NPHP4: variants seen among roughly 807,000 people sequenced by gnomAD.
NPHP4 encodes the protein nephrocystin-4.
A neutral mutation model predicts 155.8 loss-of-function variants in NPHP4; 151 were observed. That is an observed-to-expected ratio of 0.97 (90% CI 0.85 to 1.11). NPHP4 has a LOEUF of 1.11. Among genes scored for constraint, NPHP4 ranks in the 50% least tolerant of loss-of-function variants. NPHP4 has a pLI of 0.00. For synonymous variants in NPHP4, 845 were observed against 816.8 expected, an observed-to-expected ratio of 1.03 and a Z score of -0.59; for missense variants, 1,956 against 1,925.7, an observed-to-expected ratio of 1.02 and a Z score of -0.29.
intron 9 of NPHP4, among the ~76,000 whole-genome samples, chr1:5,942,870 C>T (rs1300164837): frequency 6.6e-6 from 1 of 152,174 alleles, no homozygotes; most frequent in African/African-American, 2.4e-5. Flanking sequence ...ACTGTATTCA[C>T]CCCCAGAGGC....
intron 3 of NPHP4, among the ~76,000 whole-genome samples, chr1:5,970,230 G>A (rs1652316506): frequency 6.6e-6 from 1 of 152,136 alleles, no homozygotes; most frequent in South Asian, 2.1e-4. Flanking sequence ...GGGGCCTGGG[G>A]TGGTGGCTCG....
chr1:5,896,995 A>T (rs1383583312), intron 16 of NPHP4, among the ~76,000 whole-genome samples: 2 of 152,228 alleles, frequency 1.3e-5, no homozygotes, highest in Admixed American at 1.3e-4. Flanking sequence ...TAACACTGGG[A>T]TCCCACTGCT....
chr1:5,973,391 C>T (rs998289648), intron 3 of NPHP4, among the ~76,000 whole-genome samples: 10 of 152,204 alleles, frequency 6.6e-5, no homozygotes, highest in African/African-American at 2.4e-4. Context: ...ATGATTATAA[C>T]CCAAAGCAAG....
At chr1:5,959,960 G>A (rs1649995968) in intron 6 of NPHP4, among the ~76,000 whole-genome samples, 1 of 152,236 alleles carries the variant, frequency 6.6e-6, no homozygotes, top group Admixed American at 6.5e-5. Flanking sequence ...TAGTCCTGAT[G>A]ATCAGTATCA....
chr1:5,909,991 G>A (rs1397298961), intron 11 of NPHP4, among the ~76,000 whole-genome samples: 1 of 152,138 alleles, frequency 6.6e-6, no homozygotes, highest in Non-Finnish European at 1.5e-5. Flanking sequence ...AGGGCTCTCA[G>A]CCCCTGCACC....
intron 6 of NPHP4, among the ~76,000 whole-genome samples, chr1:5,961,398 T>A (rs1217211535): frequency 1.3e-5 from 2 of 152,162 alleles, no homozygotes; most frequent in African/African-American, 4.8e-5. Flanking sequence ...GCTAAGACGG[T>A]CAATTTTATG....
intron 19 of NPHP4, chr1:5,879,774 T>TGC: frequency 3.0e-6 from 1 of 334,062 alleles, no homozygotes; most frequent in Non-Finnish European, 5.6e-6. Flanking sequence ...CCACGAATGG[T>TGC]GCGCACACAC....
intron 5 of NPHP4, among the ~76,000 whole-genome samples, chr1:5,962,547 C>A (rs10779682): frequency 0.84 from 127,542 of 152,058 alleles, 53,748 homozygotes; most frequent in African/African-American, 0.94. Context: ...AAGCCCCAAA[C>A]GGAGGAGGGC....
At chr1:5,954,985 G>A (rs545933299) in intron 6 of NPHP4, among the ~76,000 whole-genome samples, 53 of 151,958 alleles carry the variant, frequency 3.5e-4, no homozygotes, top group Non-Finnish European at 6.2e-4. Context: ...TATCTAACAA[G>A]GGGTTAATAT....
chr1:5,967,306 G>A lies in NPHP4; in HGVS notation c.510C>T (p.Pro170=), dbSNP rs545943420. The A allele has an allele frequency of 4.4e-5, 70 of 1,603,428 alleles. No individual in the cohort carries two copies. Among genetic ancestry groups the A allele is most frequent in the East Asian group, 6.7e-5 (3 of 44,474 alleles). The change falls in exon 5 of 30, where the codon CCC becomes CCT. Residue 170 remains proline, a synonymous_variant. Transcript: ENST00000378156. ...RALLHPLLQD[P]AEQNRHMTLI... ...GCCAGGTCTGGCTCTTACGCTCTGC[G>A]GGGTCCTGGAGAAGCGGGTGCAGGA... is the stretch of plus-strand genomic sequence containing the variant.
At chr1:5,970,908 A>T (rs1486983548) in intron 3 of NPHP4, among the ~76,000 whole-genome samples, 2 of 152,200 alleles carry the variant, frequency 1.3e-5, no homozygotes, top group Non-Finnish European at 2.9e-5. Flanking sequence ...TGAAATAATG[A>T]CCACTTACAG....
rs755423669 is a variant in NPHP4, at chr1:5,984,107, T to C, written c.135+2048A>G. 5.3e-4 allele frequency among the ~76,000 whole-genome samples: 81 copies of C among 152,344 alleles called. 1 individual carries two copies. The highest frequency in any genetic ancestry group is 7.8e-4 in the Non-Finnish European group (53 of 68,034). On this transcript the variant is annotated intron_variant, in intron 2 of 29. Transcript: ENST00000378156. Reference sequence around the variant, plus strand: ...TGACTGGGAAAAGTCTAAATGTTCATCAATCACGGCCTCACTCAATAAATG... The same window carrying C: ...TGACTGGGAAAAGTCTAAATGTTCACCAATCACGGCCTCACTCAATAAATG...
chr1:5,925,867 G>A (rs569924342), intron 11 of NPHP4, among the ~76,000 whole-genome samples: 4 of 152,200 alleles, frequency 2.6e-5, no homozygotes, highest in East Asian at 1.9e-4. Flanking sequence ...CACCTGCCTC[G>A]GCCTCCCAAA....
rs1644097145 is a variant in NPHP4, at chr1:5,890,995, C to T, written c.2177G>A (p.Gly726Asp). Residue 726 changes from glycine (G) to aspartate (D), a missense_variant, in exon 17 of 30, where the codon GGC becomes GAC. Gly to Asp is a moderately conservative substitution (Grantham distance 94, BLOSUM62 -1). Transcript: ENST00000378156. The surrounding 1 kb of genome is among the most constrained non-coding windows in gnomAD (Gnocchi z 4.9). ...SPGFQLRYMV[G>D]PGFLKPGERR... ...CTCACCTGGCTTCAGGAACCCAGGG[C>T]CCACCATGTACCTCAGCTGGAAGCC... 1.3e-6 allele frequency: 2 copies of T among 1,574,374 alleles called. No individual in the cohort carries two copies. The highest frequency in any genetic ancestry group is 1.7e-6 in the Non-Finnish European group (2 of 1,149,966).
At chr1:5,953,129 C>T (rs921485607) in intron 6 of NPHP4, among the ~76,000 whole-genome samples, 1 of 152,072 alleles carries the variant, frequency 6.6e-6, no homozygotes, top group African/African-American at 2.4e-5. Context: ...TGCTTTGAGA[C>T]GGAGTCTCGT....
intron 11 of NPHP4, among the ~76,000 whole-genome samples, chr1:5,926,128 A>G (rs1645994006): frequency 6.6e-6 from 1 of 152,214 alleles, no homozygotes; most frequent in Admixed American, 6.5e-5. Flanking sequence ...CCGTTTATAA[A>G]GATGGGATTA....
intron 9 of NPHP4, among the ~76,000 whole-genome samples, chr1:5,934,813 G>C (rs1201212033): frequency 1.3e-5 from 2 of 152,192 alleles, no homozygotes; most frequent in Non-Finnish European, 2.9e-5. Context: ...CATCCACCAG[G>C]AACAGAGACA....
intron 16 of NPHP4, among the ~76,000 whole-genome samples, chr1:5,902,271 C>A (rs1228730043): frequency 6.6e-6 from 1 of 152,222 alleles, no homozygotes; most frequent in Non-Finnish European, 1.5e-5. Context: ...TGCTTCCAGG[C>A]ATGCAGAGAG....
rs1161415066 is a variant in NPHP4 at position 5,889,448 on chromosome 1, G to C, written c.2304+1420C>G. Among the ~76,000 whole-genome samples, 1 of 152,342 alleles carries C rather than the reference G, an allele frequency of 6.6e-6. No homozygotes were observed. The highest frequency in any genetic ancestry group is 1.9e-4 in the East Asian group (1 of 5,184). On this transcript the variant is annotated intron_variant, in intron 17 of 29. Coordinates refer to ENST00000378156, the MANE Select transcript of NPHP4 (RefSeq NM_015102.5). The surrounding 1 kb of genome is among the most constrained non-coding windows in gnomAD (Gnocchi z 4.2). ...TTTATTCAAGTCTATGTCAACAAGC[G>C]TAACGGCACTTGTTTAAGGGGCTCT...
Sources: allele counts gnomAD v4.1 joint callset (sites outside exome capture counted in the v4.1 genomes callset), GRCh38; gene constraint gnomAD v4.1.1; non-coding constraint Gnocchi (gnomAD v3.1); transcripts MANE v1.5; gene names NCBI Gene and HGNC (gene_info 2026-07-23, HGNC 2026-07-21).